Variants in MARCHF10 observed in about 807,000 individuals in gnomAD.
MARCHF10 encodes membrane associated ring-CH-type finger 10, also known as probable E3 ubiquitin-protein ligase MARCHF10.
A neutral mutation model predicts 76.2 loss-of-function variants in MARCHF10; 64 were observed. That is an observed-to-expected ratio of 0.84 (90% confidence interval 0.69 to 1.03). The LOEUF is 1.03. MARCHF10 is among the 50% of genes least tolerant of loss of function. The probability of loss-of-function intolerance (pLI) is 0.00; values close to 1 mark genes in which losing one functional copy is unlikely to be tolerated. For missense variants in MARCHF10, 875 were observed against 958.0 expected, an observed-to-expected ratio of 0.91 and a Z score of 1.14; for synonymous variants, 340 against 357.5, an observed-to-expected ratio of 0.95 and a Z score of 0.55.
chr17:62,759,817 A>C lies in MARCHF10; in HGVS notation c.382+18T>G. ...CGGGATTTTAGATCTGATGAATTTCAATAAGCCAGCCACTCACCTGGAGAG... is the reference window on the plus strand; with the variant it reads ...CGGGATTTTAGATCTGATGAATTTCCATAAGCCAGCCACTCACCTGGAGAG... On this transcript the variant is annotated intron_variant, in intron 4 of 10. Coordinates refer to ENST00000311269, the MANE Select transcript of MARCHF10 (RefSeq NM_152598.4). 1 of 1,608,394 alleles carries C rather than the reference A, an allele frequency of 6.2e-7. No homozygotes were observed. The highest frequency in any genetic ancestry group is 1.1e-5 in the South Asian group (1 of 90,282).
At chr17:62,801,615 G>A (rs76010785) in intron 2 of MARCHF10, 31 bp downstream of exon 2, 31,029 of 1,549,528 alleles carry the variant, frequency 0.02, 350 homozygotes, top group East Asian at 0.039. Flanking sequence ...GCAAGAGAAG[G>A]CAGAAGACCA....
chr17:62,734,792 C>T (rs972969307), intron 6 of MARCHF10, among the ~76,000 whole-genome samples: 9 of 152,024 alleles, frequency 5.9e-5, no homozygotes, highest in African/African-American at 9.7e-5. Context: ...AATAGGTACA[C>T]GAATAATAGC....
chr17:62,790,772 T>C (rs939316171), intron 2 of MARCHF10, among the ~76,000 whole-genome samples: 9 of 152,310 alleles, frequency 5.9e-5, no homozygotes, highest in East Asian at 5.8e-4. Context: ...AGGTTAAGAA[T>C]AGAAATGACC....
chr17:62,806,334 C>T (rs899320720), intron 1 of MARCHF10: 1 of 152,130 alleles, frequency 6.6e-6, no homozygotes, highest in African/African-American at 2.4e-5. Flanking sequence ...GAATTTTTCC[C>T]CAGCAAACAC....
chr17:62,711,802 T>G lies in MARCHF10; in HGVS notation c.2215-458A>C, dbSNP rs1425607333. Reference sequence around the variant, plus strand: ...ATGCACCAGGCCTTGTCCATAACGTTCTCAGCAGTCACAGATGTCCCCTTG... The same window carrying G: ...ATGCACCAGGCCTTGTCCATAACGTGCTCAGCAGTCACAGATGTCCCCTTG... On this transcript the variant is annotated intron_variant, in intron 8 of 10. Coordinates refer to ENST00000311269, the MANE Select transcript of MARCHF10 (RefSeq NM_152598.4). The surrounding 1 kb of genome is among the most constrained non-coding windows in gnomAD (Gnocchi z 4.4). Among the ~76,000 whole-genome samples the G allele has an allele frequency of 6.6e-6, 1 of 152,186 alleles. No homozygotes were observed. Among genetic ancestry groups the G allele is most frequent in the Non-Finnish European group, 1.5e-5 (1 of 68,024 alleles).
intron 2 of MARCHF10, among the ~76,000 whole-genome samples, chr17:62,791,975 G>A (rs886578055): frequency 1.1e-4 from 16 of 152,082 alleles, no homozygotes; most frequent in Admixed American, 1.0e-3. Context: ...TCAATTGCAC[G>A]TGTCAGGATT....
intron 3 of MARCHF10, among the ~76,000 whole-genome samples, chr17:62,785,832 A>G (rs1456080907): frequency 2.0e-5 from 3 of 152,218 alleles, no homozygotes; most frequent in African/African-American, 7.2e-5. Flanking sequence ...ATAAGATACC[A>G]TCTCACACCA....
intron 2 of MARCHF10, among the ~76,000 whole-genome samples, chr17:62,798,442 TAAAA>T (rs76893795): frequency 3.5e-5 from 3 of 86,422 alleles, no homozygotes; most frequent in African/African-American, 1.3e-4. Context: ...TGGGAAACAT[TAAAA>T]AAAAAAAAAA....
intron 2 of MARCHF10, among the ~76,000 whole-genome samples, chr17:62,794,326 C>T: frequency 6.6e-6 from 1 of 152,260 alleles, no homozygotes; most frequent in East Asian, 1.9e-4. Flanking sequence ...CAGCAGCTGT[C>T]ACAGCCTTTT....
Position 62,747,273 on chromosome 17 carries a change from C to T in MARCHF10, c.383-2745G>A, listed in dbSNP as rs78452687. 7.7e-3 allele frequency among the ~76,000 whole-genome samples: 1,171 copies of T among 152,258 alleles called. 9 individuals carry two copies. Among genetic ancestry groups the T allele is most frequent in the South Asian group, 0.012 (60 of 4,828 alleles). ...GAACACATTTTTTTGTTGTGCAGAA[C>T]GCCCAAGATGGCTTAAGATAAAAGG... On this transcript the variant is annotated intron_variant, in intron 4 of 10. Transcript: ENST00000311269.
intron 6 of MARCHF10, among the ~76,000 whole-genome samples, chr17:62,728,583 G>C (rs1279610268): frequency 1.3e-5 from 2 of 152,172 alleles, no homozygotes; most frequent in African/African-American, 4.8e-5. Flanking sequence ...ATTGTTTAAC[G>C]AAGGGAGGAG....
chr17:62,803,128 G>T (rs187713025), intron 1 of MARCHF10, among the ~76,000 whole-genome samples: 1 of 152,002 alleles, frequency 6.6e-6, no homozygotes, highest in Non-Finnish European at 1.5e-5. Context: ...CTATTTAAAA[G>T]AAAATTGAAA....
At chr17:62,788,655 C>G in intron 2 of MARCHF10, 56 bp from the exon 3 acceptor site, 1 of 1,608,246 alleles carries the variant, frequency 6.2e-7, no homozygotes, top group African/African-American at 1.3e-5. Flanking sequence ...GCTTGGGTAA[C>G]TTTATGCTTA....
intron 2 of MARCHF10, among the ~76,000 whole-genome samples, chr17:62,790,964 A>T (rs192457928): frequency 8.7e-4 from 133 of 152,348 alleles, no homozygotes; most frequent in Non-Finnish European, 1.2e-4. Context: ...TTGCTTGGGA[A>T]GGGACAACAT....
At chr17:62,778,731 A>C (rs1205893095) in intron 3 of MARCHF10, among the ~76,000 whole-genome samples, 1 of 151,942 alleles carries the variant, frequency 6.6e-6, no homozygotes, top group Non-Finnish European at 1.5e-5. Flanking sequence ...AGGGCCCTAC[A>C]AAGGCAGGTA....
intron 5 of MARCHF10, among the ~76,000 whole-genome samples, chr17:62,743,197 C>T (rs1472553799): frequency 6.6e-6 from 1 of 152,166 alleles, no homozygotes; most frequent in Non-Finnish European, 1.5e-5. Context: ...CTGAAGGCTG[C>T]CTTAAAGCTC....
intron 8 of MARCHF10, among the ~76,000 whole-genome samples, chr17:62,714,903 T>G (rs1054276510): frequency 4.6e-5 from 7 of 151,990 alleles, no homozygotes; most frequent in Non-Finnish European, 1.0e-4. Context: ...GTGCCACCAC[T>G]CCCAGCTAAT....
rs181128274 is a variant in MARCHF10 at position 62,729,567 on chromosome 17, T to C, written c.1938-4463A>G. On this transcript the variant is annotated intron_variant, in intron 6 of 10. Transcript: ENST00000311269. ...ATGTATAAATATACAAATATAAATG[T>C]ATAAATATATAAATATATATATATT... Among the ~76,000 whole-genome samples the C allele has an allele frequency of 9.1e-4, 134 of 148,032 alleles. 1 individual carries two copies. Among genetic ancestry groups the C allele is most frequent in the Non-Finnish European group, 1.2e-3 (79 of 67,236 alleles).
chr17:62,704,389 C>T (rs557660208), intron 10 of MARCHF10, among the ~76,000 whole-genome samples: 320 of 152,268 alleles, frequency 2.1e-3, no homozygotes, highest in Non-Finnish European at 3.5e-3. Context: ...CGGCCAGACC[C>T]CGCGGTTGCG....
Sources: gnomAD v4.1 joint callset for allele counts (sites outside exome capture counted in the v4.1 genomes callset) on GRCh38, gnomAD v4.1.1 for gene constraint, Gnocchi (gnomAD v3.1) non-coding constraint, MANE v1.5 for transcripts, NCBI Gene and HGNC (gene_info 2026-07-23, HGNC 2026-07-21) for gene names.